The following UNC13C variants were observed in gnomAD, a reference collection of about 807,000 sequenced individuals.
The protein encoded by UNC13C is protein unc-13 homolog C.
UNC13C carries 174 observed loss-of-function variants against 245.4 expected under a neutral mutation model. The ratio of observed to expected loss-of-function variants is 0.71; its 90% CI spans 0.63 to 0.80. The LOEUF (loss-of-function observed/expected upper bound fraction) is 0.80, where lower values mean the gene tolerates loss of function less well. UNC13C is among the 30% of genes least tolerant of loss of function. UNC13C has a pLI of 0.00. For missense variants in UNC13C, 2,829 were observed against 2,602.9 expected (o/e 1.09, Z -1.89); for synonymous variants, 992 against 895.1 (o/e 1.11, Z -1.93).
chr15:54,481,160 C>T (rs28647243), intron 19 of UNC13C, among the ~76,000 whole-genome samples: 3,326 of 150,222 alleles, frequency 0.022, 116 homozygotes, highest in African/African-American at 0.078. Context: ...TTTAAGCTGC[C>T]GTTATTAGTG....
rs1471543304 is a variant in UNC13C, at chr15:54,552,495, T to TA, written c.5877+2804_5877+2805insA. Among the ~76,000 whole-genome samples, 387 of 49,550 alleles carry TA rather than the reference T, an allele frequency of 7.8e-3. 3 individuals carry two copies. The highest frequency in any genetic ancestry group is 9.5e-3 in the Non-Finnish European group (308 of 32,538). The allele number at this position is 49,550 out of a possible 152,430, so 32.5% of individuals were successfully genotyped here. ...ATATATAATATAATTATATATTATA[T>TA]TATATATAATTATATATTATATATT... On this transcript the variant is annotated intron_variant, in intron 28 of 32. Transcript: ENST00000260323.
At chr15:53,962,836 G>A in the UNC13C span, among the ~76,000 whole-genome samples, 1 of 152,164 alleles carries the variant, frequency 6.6e-6, no homozygotes, top group South Asian at 2.1e-4. Flanking sequence ...GTTACACTGT[G>A]AGCCTTCCCT....
intron 4 of UNC13C, among the ~76,000 whole-genome samples, chr15:54,169,426 T>A (rs2033302110): frequency 6.6e-6 from 1 of 152,210 alleles, no homozygotes; most frequent in Non-Finnish European, 1.5e-5. Flanking sequence ...TTTTGCCCAT[T>A]ACTAACCATC....
Position 54,332,236 on chromosome 15 carries a change from C to T in UNC13C, c.4494+125C>T. The T allele has an allele frequency of 4.6e-6, 3 of 655,602 alleles. No individual in the cohort carries two copies. The South Asian group carries it at 6.7e-5, about 15-fold the overall frequency. The allele number at this position is 655,602 out of a possible 1,614,324, so 40.6% of individuals were successfully genotyped here. ...AATATTGATCTCAGGTGCTGTTACC[C>T]TTAGAAATAATCCAGCAGGTCTCCT... is the stretch of plus-strand genomic sequence containing the variant. On this transcript the variant is annotated intron_variant, in intron 15 of 32. Coordinates refer to ENST00000260323, the MANE Select transcript of UNC13C (RefSeq NM_001080534.3).
chr15:54,338,976 C>G (rs2038661342), intron 17 of UNC13C, among the ~76,000 whole-genome samples: 1 of 152,224 alleles, frequency 6.6e-6, no homozygotes, highest in South Asian at 2.1e-4. Context: ...AAGCGATTCT[C>G]CTGCCTCAGG....
At chr15:54,580,575 A>G (rs891854988) in intron 30 of UNC13C, among the ~76,000 whole-genome samples, 1 of 152,186 alleles carries the variant, frequency 6.6e-6, no homozygotes, top group Admixed American at 6.5e-5. Flanking sequence ...CAATTTTGTC[A>G]TCTGTAAAAA....
intron 17 of UNC13C, among the ~76,000 whole-genome samples, chr15:54,365,348 G>A (rs989200920): frequency 6.6e-6 from 1 of 152,072 alleles, no homozygotes; most frequent in African/African-American, 2.4e-5. Flanking sequence ...ATTGCACAAG[G>A]TCCCTGAATT....
At chr15:54,346,787 A>C (rs1174020214) in intron 17 of UNC13C, among the ~76,000 whole-genome samples, 1 of 152,140 alleles carries the variant, frequency 6.6e-6, no homozygotes, top group African/African-American at 2.4e-5. Flanking sequence ...GACAGAGGTC[A>C]CTGGACTCAC....
intron 17 of UNC13C, among the ~76,000 whole-genome samples, chr15:54,379,952 A>G (rs1596306174): frequency 6.6e-6 from 1 of 152,192 alleles, no homozygotes; most frequent in Non-Finnish European, 1.5e-5. Flanking sequence ...GCTAATTGAT[A>G]TATACATTGC....
At chr15:54,409,036 A>G (rs1002185430) in intron 18 of UNC13C, among the ~76,000 whole-genome samples, 2 of 152,168 alleles carry the variant, frequency 1.3e-5, no homozygotes, top group African/African-American at 4.8e-5. Context: ...TATAGAAAAG[A>G]ACTGAAGTCC....
In UNC13C at chr15:54,542,774, G is replaced by T. The variant is rs144672838; in HGVS notation, c.5697-3948G>T. Reference sequence around the variant, plus strand: ...TGTAATCCCCTTCTTTGTCTTTTTCGATCTTTGTTGGTTTAAAGTCTGTTT... The same window carrying T: ...TGTAATCCCCTTCTTTGTCTTTTTCTATCTTTGTTGGTTTAAAGTCTGTTT... On this transcript the variant is annotated intron_variant, in intron 26 of 32. Coordinates refer to ENST00000260323, the MANE Select transcript of UNC13C (RefSeq NM_001080534.3). Among the ~76,000 whole-genome samples, 184 of 151,924 alleles carry T rather than the reference G, an allele frequency of 1.2e-3. 1 individual carries two copies. Among genetic ancestry groups the T allele is most frequent in the African/African-American group, 4.2e-3 (174 of 41,418 alleles).
chr15:54,053,520 T>C (rs958443832), intron 2 of UNC13C, among the ~76,000 whole-genome samples: 7 of 152,198 alleles, frequency 4.6e-5, no homozygotes, highest in African/African-American at 1.2e-4. Context: ...GTATATTAGA[T>C]ACATATATTT....
At chr15:54,621,449 C>A (rs1458990600) in intron 30 of UNC13C, among the ~76,000 whole-genome samples, 2 of 151,978 alleles carry the variant, frequency 1.3e-5, no homozygotes, top group Admixed American at 6.6e-5. Context: ...AAATGTCAAA[C>A]ATTAATGTTT....
At chr15:54,223,610 A>T (rs76903248) in intron 4 of UNC13C, among the ~76,000 whole-genome samples, 2 of 151,882 alleles carry the variant, frequency 1.3e-5, no homozygotes, top group African/African-American at 4.8e-5. Flanking sequence ...AGCTTTGCTT[A>T]TCCTGAGTCT....
chr15:54,093,450 G>A (rs1899678063), intron 2 of UNC13C, among the ~76,000 whole-genome samples: 1 of 152,202 alleles, frequency 6.6e-6, no homozygotes, highest in South Asian at 2.1e-4. Flanking sequence ...ATAATTTGAT[G>A]ATTAACAACT....
intron 2 of UNC13C, among the ~76,000 whole-genome samples, chr15:54,116,925 G>A (rs897703572): frequency 6.6e-6 from 1 of 151,940 alleles, no homozygotes; most frequent in Non-Finnish European, 1.5e-5. Context: ...CCATATCCTT[G>A]CCAGCATCAT....
At chr15:54,078,728 CT>C (rs1264516930) in intron 2 of UNC13C, among the ~76,000 whole-genome samples, 1 of 151,956 alleles carries the variant, frequency 6.6e-6, no homozygotes. Context: ...TGTTAGTCCT[CT>C]GTTGAGTGTG....
At chr15:54,111,942 C>A (rs540674755) in intron 2 of UNC13C, among the ~76,000 whole-genome samples, 2 of 152,164 alleles carry the variant, frequency 1.3e-5, no homozygotes, top group East Asian at 1.9e-4. Context: ...TTATAGAGAA[C>A]CTTTTGCCAC....
At chr15:54,233,287 A>T (rs1439813756) in intron 4 of UNC13C, among the ~76,000 whole-genome samples, 1 of 152,036 alleles carries the variant, frequency 6.6e-6, no homozygotes, top group Non-Finnish European at 1.5e-5. Context: ...CCCTGAACAC[A>T]TTCTCTTCAG....
Sources: allele counts gnomAD v4.1 joint callset (sites outside exome capture counted in the v4.1 genomes callset), GRCh38; gene constraint gnomAD v4.1.1; transcripts MANE v1.5; gene names NCBI Gene and HGNC (gene_info 2026-07-23, HGNC 2026-07-21).